The following TRIM66 variants were observed in gnomAD, a reference collection of about 807,000 sequenced individuals.
The protein encoded by TRIM66 is tripartite motif-containing protein 66.
Under a neutral mutation model 148.2 loss-of-function variants are expected in TRIM66, and 99 were observed. That is an observed-to-expected ratio of 0.67 (90% confidence interval 0.57 to 0.79). The LOEUF (loss-of-function observed/expected upper bound fraction) is 0.79, where lower values mean the gene tolerates loss of function less well. TRIM66 is among the 30% of genes least tolerant of loss of function. The pLI, the probability that TRIM66 is intolerant of heterozygous loss-of-function variation, is 0.00. For synonymous variants in TRIM66, 616 were observed against 635.9 expected, an observed-to-expected ratio of 0.97 and a Z score of 0.47; for missense variants, 1,666 against 1,697.9, an observed-to-expected ratio of 0.98 and a Z score of 0.33.
intron 15 of TRIM66, among the ~76,000 whole-genome samples, chr11:8,633,602 C>A (rs554693523): frequency 6.6e-6 from 1 of 152,088 alleles, no homozygotes; most frequent in East Asian, 1.9e-4. Flanking sequence ...CAGGCTGTGC[C>A]TTAAGAAAGC....
At chr11:8,658,900 G>A in intron 6 of TRIM66, 1 of 681,052 alleles carries the variant, frequency 1.5e-6, no homozygotes. Context: ...GTCACAGTCA[G>A]TTGCCATAGT....
At chr11:8,633,962 C>G (rs2035644206) in intron 15 of TRIM66, among the ~76,000 whole-genome samples, 1 of 152,180 alleles carries the variant, frequency 6.6e-6, no homozygotes, top group Admixed American at 6.5e-5. Flanking sequence ...TCTTAATAAT[C>G]TGCATCACAG....
At chr11:8,621,506 G>T in intron 19 of TRIM66, 139 bp downstream of exon 19, 1 of 1,298,496 alleles carries the variant, frequency 7.7e-7, no homozygotes, top group Non-Finnish European at 1.0e-6. Context: ...GGACCTTGCA[G>T]CAGGGGACAA....
chr11:8,629,923 C>T (rs551384459), intron 15 of TRIM66, among the ~76,000 whole-genome samples: 1 of 152,262 alleles, frequency 6.6e-6, no homozygotes, highest in African/African-American at 2.4e-5. Context: ...CCAGCCCAAC[C>T]CCATTTTTAC....
Position 8,671,463 on chromosome 11 carries a change from C to T in TRIM66, c.340+323G>A, listed in dbSNP as rs567682908. On this transcript the variant is annotated intron_variant, in intron 6 of 24. Transcript: ENST00000646038. ...TAGGAGGCCAGCCATTCTCTCTCTG[C>T]CTTGGAGATTTAGTGAGTCAGAACA... is the stretch of plus-strand genomic sequence containing the variant. 5.3e-5 allele frequency among the ~76,000 whole-genome samples: 8 copies of T among 152,328 alleles called. No homozygotes were observed. The East Asian group carries it at 9.6e-4, about 18-fold the overall frequency.
chr11:8,674,418 C>T (rs1336834737), intron 4 of TRIM66, among the ~76,000 whole-genome samples: 1 of 152,120 alleles, frequency 6.6e-6, no homozygotes, highest in Non-Finnish European at 1.5e-5. Flanking sequence ...GGGTCTTGCT[C>T]TGTTGCCTAG....
At chr11:8,620,683 G>C (rs1006114047) in intron 20 of TRIM66, 111 bp from the exon 21 acceptor site, 3 of 1,437,792 alleles carry the variant, frequency 2.1e-6, no homozygotes, top group South Asian at 2.9e-5. Flanking sequence ...GCTTTGCCGT[G>C]TAAGAAATGG....
chr11:8,658,613 T>G (rs1331554448), intron 6 of TRIM66: 2 of 276,260 alleles, frequency 7.2e-6, no homozygotes, highest in South Asian at 1.4e-4. Flanking sequence ...GGTATCAAAA[T>G]AGCAATCCAG....
chr11:8,662,879 T>G (rs912852584), intron 6 of TRIM66, among the ~76,000 whole-genome samples: 71 of 152,142 alleles, frequency 4.7e-4, no homozygotes, highest in African/African-American at 1.7e-3. Flanking sequence ...CAGCATATGG[T>G]AAGAGTCAGT....
intron 6 of TRIM66, among the ~76,000 whole-genome samples, chr11:8,653,794 A>AAAAAG (rs549279953): frequency 5.9e-5 from 9 of 152,072 alleles, no homozygotes; most frequent in Non-Finnish European, 7.4e-5. Flanking sequence ...CACCAAAAAA[A>AAAAAG]AAAAGAAAAG....
Position 8,622,365 on chromosome 11 carries a change from C to CACACACACACACACATATATATATAT in TRIM66, c.3080+450_3080+451insATATATATATATGTGTGTGTGTGTGT. Among the ~76,000 whole-genome samples the CACACACACACACACATATATATATAT allele has an allele frequency of 1.8e-3, 107 of 59,568 alleles. 4 individuals carry two copies. The Middle Eastern group carries it at 0.025, about 14-fold the overall frequency. 39.1% of individuals were successfully genotyped at this position (59,568 alleles called of 152,430 possible). On this transcript the variant is annotated intron_variant, in intron 18 of 24. Coordinates refer to ENST00000646038, the MANE Select transcript of TRIM66 (RefSeq NM_001388022.1). Reference sequence around the variant, plus strand: ...ACACACACACACACACACACACACACATATATATATATATATATCTCCTAC... The same window carrying CACACACACACACACATATATATATAT: ...ACACACACACACACACACACACACACACACACACACACACATATATATATATATATATATATATATATATCTCCTAC...
chr11:8,682,636 G>T lies in TRIM66; in HGVS notation c.-583C>A. ...CACCGCCACCAGGACACTCCGTGAT[G>T]GGGGATCACCACCCTCAGAAAGAGG... On this transcript the variant is annotated 5_prime_UTR_variant, in exon 1 of 25. Coordinates refer to ENST00000646038, the MANE Select transcript of TRIM66 (RefSeq NM_001388022.1). The T allele has an allele frequency of 5.6e-6, 4 of 709,558 alleles. No individual in the cohort carries two copies. The highest frequency in any genetic ancestry group is 1.6e-5 in the South Asian group (1 of 63,870). 44.0% of individuals were successfully genotyped at this position (709,558 alleles called of 1,614,324 possible).
In TRIM66 at chr11:8,624,834, C is replaced by G; in HGVS notation, c.2705G>C (p.Ser902Thr). ...VPSLATCPLQ[S>T]IPPVSDMQPE... The stretch of plus-strand genomic sequence containing the variant: ...CTGCATGTCAGAAACTGGAGGGATG[C>G]TCTGCAGAGGACAAGTTGCCAGACT... The change falls in exon 16 of 25, where the codon AGC becomes ACC. Residue 902 changes from serine to threonine, a missense_variant. Transcript: ENST00000646038. The G allele has an allele frequency of 6.4e-7, 1 of 1,551,760 alleles. No homozygotes were observed. The highest frequency in any genetic ancestry group is 8.7e-7 in the Non-Finnish European group (1 of 1,146,996).
In TRIM66 at chr11:8,638,751, G is replaced by A. The variant is rs2036115095; in HGVS notation, c.2213C>T (p.Ala738Val). 6.4e-7 allele frequency: 1 copy of A among 1,551,248 alleles called. No individual in the cohort carries two copies. The highest frequency in any genetic ancestry group is 8.7e-7 in the Non-Finnish European group (1 of 1,146,788). ...KPALPLDKNTAAALPQASGEE... is the reference protein window; with the variant it reads ...KPALPLDKNTVAALPQASGEE... ...CCCAGACGCCTGGGGCAAGGCAGCA[G>A]CAGTATTCTTGTCAAGAGGGAGAGC... The change falls in exon 15 of 25, where the codon GCT (alanine) becomes GTT (valine). Residue 738 changes from alanine (A) to valine (V), a missense_variant. By Grantham distance (64) the Ala-to-Val change is moderately conservative. This residue lies in a region of TRIM66 where 1,431 missense variants were observed against 1,412.4 expected (regional missense o/e 1.01). Coordinates refer to ENST00000646038, the MANE Select transcript of TRIM66 (RefSeq NM_001388022.1).
intron 15 of TRIM66, among the ~76,000 whole-genome samples, chr11:8,635,237 C>T (rs931656113): frequency 6.6e-6 from 1 of 152,170 alleles, no homozygotes; most frequent in Non-Finnish European, 1.5e-5. Context: ...GGTCACTTAA[C>T]CTCTCTGTGT....
rs2034097345 is a variant in TRIM66, at chr11:8,620,446, C to G, written c.3672G>C (p.Lys1224Asn). The G allele has an allele frequency of 6.4e-7, 1 of 1,551,614 alleles. No homozygotes were observed. Among genetic ancestry groups the G allele is most frequent in the African/African-American group, 1.4e-5 (1 of 73,074 alleles). The change falls in exon 21 of 25, where the codon AAG (lysine) becomes AAC (asparagine). Residue 1224 changes from lysine (K) to asparagine (N), a missense_variant and splice_region_variant. Physicochemically the swap from Lys to Asn is moderately conservative, Grantham distance 94 (BLOSUM62 0). Around this residue, in one of 3 missense-constraint regions of TRIM66, gnomAD observed 204 missense variants for 231.0 expected, o/e 0.88. Transcript: ENST00000646038. ...ASPGLSMYDQ[K>N]KCEKLVLSLC... ...CTTGTTTCCAAAGACTCCTCCCTAC[C>G]TTCTGGTCATACATGCTTAGGCCAG...
intron 6 of TRIM66, among the ~76,000 whole-genome samples, chr11:8,663,823 T>C (rs376104583): frequency 5.3e-5 from 8 of 152,264 alleles, no homozygotes; most frequent in African/African-American, 1.7e-4. Context: ...CTGTCATTTG[T>C]GACAACATGG....
At position 8,616,786 on chromosome 11, in the gene TRIM66, C is replaced by A. The variant is rs2033748959; in HGVS notation, c.*1158G>T. On this transcript the variant is annotated 3_prime_UTR_variant, in exon 25 of 25. Transcript: ENST00000646038. Reference sequence around the variant, plus strand: ...TGTCTAGATCTGGCCCCTGTTGGTCCCTGAGGCCTTCTCTAACCTCCAACA... The same window carrying A: ...TGTCTAGATCTGGCCCCTGTTGGTCACTGAGGCCTTCTCTAACCTCCAACA... 6.6e-6 allele frequency: 1 copy of A among 152,168 alleles called. No homozygotes were observed. Among genetic ancestry groups the A allele is most frequent in the Non-Finnish European group, 1.5e-5 (1 of 68,060 alleles). The allele number at this position is 152,168 out of a possible 1,614,324, so 9.4% of individuals were successfully genotyped here.
In TRIM66 at chr11:8,618,014, A is replaced by C; in HGVS notation, c.4120-11T>G. On this transcript the variant is annotated splice_polypyrimidine_tract_variant and intron_variant, in intron 24 of 24. Transcript: ENST00000646038. ...TGCTCTTTCATTCTCCTGAAAGAAA[A>C]ATATATATTTGGAATTAAAATAGCC... is the stretch of plus-strand genomic sequence containing the variant. The C allele has an allele frequency of 6.4e-7, 1 of 1,551,316 alleles. No homozygotes were observed. The highest frequency in any genetic ancestry group is 1.2e-5 in the South Asian group (1 of 84,046).
Sources: gnomAD v4.1 joint callset for allele counts (sites outside exome capture counted in the v4.1 genomes callset) on GRCh38, gnomAD v4.1.1 for gene constraint, gnomAD v4.1.1 regional missense constraint, MANE v1.5 for transcripts, NCBI Gene and HGNC (gene_info 2026-07-23, HGNC 2026-07-21) for gene names.